CIB4: variants seen among roughly 807,000 people sequenced by gnomAD.
CIB4 encodes calcium and integrin-binding family member 4.
CIB4 carries 25 observed loss-of-function variants against 25.8 expected under a neutral mutation model. The observed-to-expected ratio is 0.97, with a 90% CI of 0.71 to 1.35. The LOEUF (loss-of-function observed/expected upper bound fraction) is 1.35, where lower values mean the gene tolerates loss of function less well. CIB4 is among the 40% of genes most tolerant of loss of function. CIB4 has a pLI of 0.00. For synonymous variants in CIB4, 75 were observed against 81.4 expected, an observed-to-expected ratio of 0.92 and a Z score of 0.42; for missense variants, 235 against 228.2, an observed-to-expected ratio of 1.03 and a Z score of -0.19.
chr2:26,602,356 A>G (rs1248760327), intron 3 of CIB4, among the ~76,000 whole-genome samples: 1 of 152,168 alleles, frequency 6.6e-6, no homozygotes, highest in Non-Finnish European at 1.5e-5. Flanking sequence ...GGAGTATTCT[A>G]GGGAGTGTAT....
chr2:26,581,403 A>C lies in CIB4; in HGVS notation c.528-10T>G. 6.2e-7 allele frequency: 1 copy of C among 1,613,662 alleles called. No homozygotes were observed. On this transcript the variant is annotated splice_polypyrimidine_tract_variant and intron_variant, in intron 6 of 6. Coordinates refer to ENST00000288861, the MANE Select transcript of CIB4 (RefSeq NM_001029881.3). ...GTGAATCCGAAAGGAGCTGAAAGAA[A>C]GAATCCCGTGAGCCATGTGAGCCCG...
At chr2:26,594,988 C>T (rs959685401) in intron 4 of CIB4, among the ~76,000 whole-genome samples, 188 bp downstream of exon 4, 2 of 152,040 alleles carry the variant, frequency 1.3e-5, no homozygotes, top group East Asian at 3.9e-4. Context: ...GGAGTCTGTC[C>T]ATTGATGCTG....
intron 3 of CIB4, among the ~76,000 whole-genome samples, chr2:26,618,475 G>C (rs573064616): frequency 6.8e-4 from 104 of 152,214 alleles, no homozygotes; most frequent in African/African-American, 2.2e-3. Flanking sequence ...TGTAGAGAAA[G>C]GATCTCACTA....
chr2:26,633,114 A>C (rs1409927797), intron 2 of CIB4, among the ~76,000 whole-genome samples: 1 of 152,194 alleles, frequency 6.6e-6, no homozygotes, highest in Non-Finnish European at 1.5e-5. Flanking sequence ...AAGTAGGTAA[A>C]ATAATCTACC....
At chr2:26,588,874 T>C (rs1372572296) in intron 4 of CIB4, among the ~76,000 whole-genome samples, 1 of 152,186 alleles carries the variant, frequency 6.6e-6, no homozygotes, top group Non-Finnish European at 1.5e-5. Flanking sequence ...GAGTGAGCAG[T>C]TGGAGACCAG....
At chr2:26,585,914 C>T (rs184841739) in intron 4 of CIB4, among the ~76,000 whole-genome samples, 1 of 152,130 alleles carries the variant, frequency 6.6e-6, no homozygotes, top group East Asian at 1.9e-4. Flanking sequence ...CTGTCCCCTC[C>T]CTAGGAAGTG....
intron 3 of CIB4, among the ~76,000 whole-genome samples, chr2:26,611,130 T>C (rs541107137): frequency 7.2e-5 from 11 of 152,306 alleles, no homozygotes; most frequent in African/African-American, 2.2e-4. Flanking sequence ...AACTTCTGCA[T>C]CTCTCCCTCC....
chr2:26,591,609 G>A (rs901171671), intron 4 of CIB4, among the ~76,000 whole-genome samples: 9 of 152,224 alleles, frequency 5.9e-5, no homozygotes, highest in African/African-American at 2.2e-4. Context: ...TGGTGCTCAG[G>A]CTTTCGTATA....
At chr2:26,589,075 T>TTCCTCTTCC (rs1491264761) in intron 4 of CIB4, among the ~76,000 whole-genome samples, 2 of 55,534 alleles carry the variant, frequency 3.6e-5, no homozygotes, top group African/African-American at 2.1e-4. Flanking sequence ...CCTCTTCCTC[T>TTCCTCTTCC]TCTTCTTCTT....
chr2:26,637,334 G>A (rs1324023673), intron 2 of CIB4, among the ~76,000 whole-genome samples: 1 of 152,046 alleles, frequency 6.6e-6, no homozygotes, highest in East Asian at 1.9e-4. Context: ...CTAAGTCTGC[G>A]TCATGGGTCT....
At chr2:26,597,659 T>A (rs901228609) in intron 3 of CIB4, among the ~76,000 whole-genome samples, 2 of 152,212 alleles carry the variant, frequency 1.3e-5, no homozygotes, top group African/African-American at 4.8e-5. Flanking sequence ...TTAAATTTTT[T>A]TATTTTGATA....
chr2:26,589,139 TCTCCTTCCCCTTCCCCTTCCCCTTCTC>T, intron 4 of CIB4, among the ~76,000 whole-genome samples: 5 of 123,090 alleles, frequency 4.1e-5, no homozygotes, highest in African/African-American at 1.4e-4. Context: ...TTCTTCTTCT[TCTCCTTCCCCTTCCCCTTCCCCTTCTC>T]CTTCTCCTTC....
intron 3 of CIB4, among the ~76,000 whole-genome samples, chr2:26,612,733 C>T (rs1311974787): frequency 6.6e-6 from 1 of 152,170 alleles, no homozygotes; most frequent in Non-Finnish European, 1.5e-5. Flanking sequence ...AAGCTGTCCT[C>T]AATCCACAAG....
chr2:26,634,482 A>G (rs1473600647), intron 2 of CIB4, among the ~76,000 whole-genome samples: 4 of 152,222 alleles, frequency 2.6e-5, no homozygotes, highest in Non-Finnish European at 5.9e-5. Context: ...GTGCTGACCC[A>G]TGTGCCAGGT....
intron 4 of CIB4, among the ~76,000 whole-genome samples, chr2:26,588,167 G>A (rs981641380): frequency 6.6e-6 from 1 of 152,262 alleles, no homozygotes; most frequent in African/African-American, 2.4e-5. Context: ...ACACTACACT[G>A]CTGCTGGGAA....
intron 3 of CIB4, among the ~76,000 whole-genome samples, chr2:26,618,935 C>T (rs1669149130): frequency 6.6e-6 from 1 of 152,204 alleles, no homozygotes; most frequent in Non-Finnish European, 1.5e-5. Context: ...CATCTGGGCC[C>T]CAGCTTTGGG....
chr2:26,585,784 C>T (rs1297679802), intron 4 of CIB4, among the ~76,000 whole-genome samples: 2 of 152,072 alleles, frequency 1.3e-5, no homozygotes, highest in Non-Finnish European at 2.9e-5. Flanking sequence ...GAACTCCAGG[C>T]TCACATATGC....
chr2:26,581,340 C>A lies in CIB4; in HGVS notation c.*23G>T. ...TTCCTGTGGTCTCCCTCGAGGCTGC[C>A]ATGTCAGGTGTTTGCCGCTACATCA... On this transcript the variant is annotated 3_prime_UTR_variant, in exon 7 of 7. Coordinates refer to ENST00000288861, the MANE Select transcript of CIB4 (RefSeq NM_001029881.3). 3 of 1,608,868 alleles carry A rather than the reference C, an allele frequency of 1.9e-6. No homozygotes were observed. The highest frequency in any genetic ancestry group is 2.6e-6 in the Non-Finnish European group (3 of 1,175,376).
At chr2:26,586,153 C>CAG (rs982667465) in intron 4 of CIB4, among the ~76,000 whole-genome samples, 1 of 152,226 alleles carries the variant, frequency 6.6e-6, no homozygotes, top group African/African-American at 2.4e-5. Context: ...CCCAACACAG[C>CAG]AGCCCGGGTG....
Sources: gnomAD v4.1 joint callset for allele counts (sites outside exome capture counted in the v4.1 genomes callset) on GRCh38, gnomAD v4.1.1 for gene constraint, MANE v1.5 for transcripts, NCBI Gene and HGNC (gene_info 2026-07-23, HGNC 2026-07-21) for gene names.